Variants in CDKAL1 observed in about 807,000 individuals in gnomAD.
The protein encoded by CDKAL1 is threonylcarbamoyladenosine tRNA methylthiotransferase.
In CDKAL1, 32 loss-of-function variants were observed where a neutral mutation model predicts 68.2. That is an observed-to-expected ratio of 0.47 (90% CI 0.35 to 0.63). The LOEUF is 0.63. Ranked by LOEUF, CDKAL1 falls within the 30% of genes least tolerant of loss-of-function variation. The pLI, the probability that CDKAL1 is intolerant of heterozygous loss-of-function variation, is 0.00. For synonymous variants in CDKAL1, 234 were observed against 244.3 expected (o/e 0.96, Z 0.39); for missense variants, 606 against 696.7 (o/e 0.87, Z 1.47).
At chr6:20,710,932 A>G (rs772559380) in intron 5 of CDKAL1, among the ~76,000 whole-genome samples, 10 of 152,298 alleles carry the variant, frequency 6.6e-5, no homozygotes, top group Non-Finnish European at 1.5e-4. Flanking sequence ...ATTTCTAGTA[A>G]AACATTCAAC....
intron 15 of CDKAL1, among the ~76,000 whole-genome samples, chr6:21,223,128 G>A (rs1779597624): frequency 6.6e-6 from 1 of 152,172 alleles, no homozygotes; most frequent in Non-Finnish European, 1.5e-5. Flanking sequence ...AGGTGCAGGG[G>A]CAAGTAAAAT....
intron 13 of CDKAL1, among the ~76,000 whole-genome samples, chr6:21,130,623 AAGTTAT>A (rs1775264656): frequency 6.6e-6 from 1 of 152,134 alleles, no homozygotes; most frequent in South Asian, 2.1e-4. Flanking sequence ...ATGGCAGGGG[AAGTTAT>A]AGTGGTACAA....
rs1778248718 is a variant in CDKAL1 at position 20,843,306 on chromosome 6, T to C, written c.639-2769T>C. On this transcript the variant is annotated intron_variant, in intron 8 of 15. Coordinates refer to ENST00000274695, the MANE Select transcript of CDKAL1 (RefSeq NM_017774.3). ...GTTATAAATTTTAAAATATGTTTCT[T>C]TTCTCTTTTTCTTCCCCTGCCCTTT... is the stretch of plus-strand genomic sequence containing the variant. 2.0e-5 allele frequency among the ~76,000 whole-genome samples: 3 copies of C among 152,184 alleles called. No individual in the cohort carries two copies. In the South Asian group the frequency reaches 6.2e-4, roughly 32 times the overall value.
At chr6:20,536,140 C>T (rs941955166) in intron 2 of CDKAL1, among the ~76,000 whole-genome samples, 7 of 150,518 alleles carry the variant, frequency 4.7e-5, no homozygotes, top group Non-Finnish European at 7.4e-5. Context: ...GTCCGTGTTG[C>T]CTAGGCTCTG....
chr6:20,894,943 TTTTG>T (rs976923479), intron 9 of CDKAL1, among the ~76,000 whole-genome samples: 7 of 152,236 alleles, frequency 4.6e-5, no homozygotes, highest in African/African-American at 1.4e-4. Flanking sequence ...TTCTTTTTGT[TTTTG>T]TTTTTTTAAT....
At chr6:21,229,956 A>G (rs1703121091) in intron 15 of CDKAL1, among the ~76,000 whole-genome samples, 1 of 151,614 alleles carries the variant, frequency 6.6e-6, no homozygotes, top group South Asian at 2.1e-4. Context: ...AGCTCTGCCC[A>G]AGCAGGGTTT....
intron 5 of CDKAL1, among the ~76,000 whole-genome samples, chr6:20,690,259 G>T (rs1410209619): frequency 6.6e-6 from 1 of 151,928 alleles, no homozygotes; most frequent in African/African-American, 2.4e-5. Flanking sequence ...ATATTTTTTG[G>T]CTGAGTACTT....
intron 8 of CDKAL1, among the ~76,000 whole-genome samples, chr6:20,802,300 A>AAAC (rs1193956957): frequency 3.6e-5 from 4 of 110,832 alleles, no homozygotes; most frequent in South Asian, 3.1e-4. Context: ...CCGTCTCAAA[A>AAAC]AACAACAACA....
intron 9 of CDKAL1, among the ~76,000 whole-genome samples, chr6:20,927,679 C>T (rs1287017652): frequency 1.3e-5 from 2 of 152,082 alleles, no homozygotes; most frequent in Non-Finnish European, 2.9e-5. Flanking sequence ...TTTTCTAAAA[C>T]AGGAATGTGC....
chr6:21,201,068 T>C (rs971649593), intron 14 of CDKAL1, 42 bp from the exon 15 acceptor site: 2 of 1,550,012 alleles, frequency 1.3e-6, no homozygotes, highest in African/African-American at 2.7e-5. Flanking sequence ...AAGTAAAATG[T>C]TTATTTTTAA....
chr6:20,665,504 T>C (rs1008662064), intron 5 of CDKAL1, among the ~76,000 whole-genome samples: 2 of 152,118 alleles, frequency 1.3e-5, no homozygotes, highest in South Asian at 2.1e-4. Context: ...AAGAATAGCA[T>C]TGGTGATCTA....
At chr6:20,856,129 C>T (rs1313846855) in intron 9 of CDKAL1, among the ~76,000 whole-genome samples, 18 of 152,264 alleles carry the variant, frequency 1.2e-4, no homozygotes, top group Admixed American at 1.2e-3. Flanking sequence ...CGTCTCTGCT[C>T]AGAGGTGGAG....
At chr6:20,557,543 A>G (rs1764103920) in intron 4 of CDKAL1, among the ~76,000 whole-genome samples, 1 of 152,176 alleles carries the variant, frequency 6.6e-6, no homozygotes, top group Non-Finnish European at 1.5e-5. Flanking sequence ...CTTTTACTAT[A>G]TATATGTATA....
At chr6:21,075,817 C>T (rs16884481) in intron 12 of CDKAL1, among the ~76,000 whole-genome samples, 4,118 of 152,002 alleles carry the variant, frequency 0.027, 170 homozygotes, top group East Asian at 0.2. Flanking sequence ...TGATCCTCGG[C>T]GGTCAATTCC....
intron 7 of CDKAL1, among the ~76,000 whole-genome samples, chr6:20,765,994 A>G (rs545960896): frequency 6.6e-6 from 1 of 152,328 alleles, no homozygotes; most frequent in East Asian, 1.9e-4. Context: ...TGAAGATAGT[A>G]AGTAACTTTA....
intron 13 of CDKAL1, among the ~76,000 whole-genome samples, chr6:21,177,370 A>T (rs1428633620): frequency 1.3e-5 from 2 of 152,136 alleles, no homozygotes; most frequent in African/African-American, 4.8e-5. Context: ...TTACACATAC[A>T]CACTTAATTT....
At chr6:21,054,616 T>C (rs1039370257) in intron 11 of CDKAL1, among the ~76,000 whole-genome samples, 1 of 152,148 alleles carries the variant, frequency 6.6e-6, no homozygotes, top group African/African-American at 2.4e-5. Context: ...TTAGATCTTC[T>C]TTAATTTCTC....
At chr6:21,108,513 G>A (rs775867438) in intron 13 of CDKAL1, 50 bp downstream of exon 13, 2 of 1,187,780 alleles carry the variant, frequency 1.7e-6, no homozygotes, top group African/African-American at 1.6e-5. Context: ...CTTTCCGAAT[G>A]TATAGTACAA....
chr6:20,630,099 CCT>C lies in CDKAL1; in HGVS notation c.287-19192_287-19191del. 1.3e-5 allele frequency among the ~76,000 whole-genome samples: 2 copies of C among 152,212 alleles called. 1 individual carries two copies. Among genetic ancestry groups the C allele is most frequent in the Non-Finnish European group, 2.9e-5 (2 of 68,006 alleles). On this transcript the variant is annotated intron_variant, in intron 4 of 15. Coordinates refer to ENST00000274695, the MANE Select transcript of CDKAL1 (RefSeq NM_017774.3). ...GGCCATGCTGGTCTCAAACTCCTGA[CCT>C]CAAGTGATCTGCCTGCCTCGGCCTC...
Sources: allele counts gnomAD v4.1 joint callset (sites outside exome capture counted in the v4.1 genomes callset), GRCh38; gene constraint gnomAD v4.1.1; transcripts MANE v1.5; gene names NCBI Gene and HGNC (gene_info 2026-07-23, HGNC 2026-07-21).